Variants in FAT3 observed in about 807,000 individuals in gnomAD.
The protein encoded by FAT3 is FAT atypical cadherin 3.
In FAT3, 95 loss-of-function variants were observed where a neutral mutation model predicts 310.2. The observed-to-expected ratio is 0.31, with a 90% CI of 0.26 to 0.36. The LOEUF is 0.36. FAT3 is among the 10% of genes least tolerant of loss of function. FAT3 has a pLI of 1.00. For missense variants in FAT3, 5,408 were observed against 5,715.6 expected (o/e 0.95, Z 1.74); for synonymous variants, 2,314 against 2,192.9 (o/e 1.06, Z -1.54).
At chr11:92,564,656 T>A (rs1382327404) in intron 3 of FAT3, among the ~76,000 whole-genome samples, 1 of 152,060 alleles carries the variant, frequency 6.6e-6, no homozygotes, top group South Asian at 2.1e-4. Flanking sequence ...CCTCAGTAAA[T>A]GTAAAAGAAC....
chr11:92,862,651 AT>A (rs1949148050), intron 21 of FAT3, among the ~76,000 whole-genome samples: 1 of 152,200 alleles, frequency 6.6e-6, no homozygotes, highest in South Asian at 2.1e-4. Context: ...TCCAATATAG[AT>A]CAAAAGAGTA....
intron 3 of FAT3, among the ~76,000 whole-genome samples, chr11:92,652,586 A>G (rs1942419881): frequency 6.6e-6 from 1 of 152,168 alleles, no homozygotes; most frequent in African/African-American, 2.4e-5. Flanking sequence ...TCTCCTACTC[A>G]TTCTCAGTTC....
At chr11:92,350,634 C>T (rs1397216470) in intron 1 of FAT3, among the ~76,000 whole-genome samples, 1 of 152,048 alleles carries the variant, frequency 6.6e-6, no homozygotes, top group Non-Finnish European at 1.5e-5. Context: ...TTACTACTTG[C>T]CGGCTGGGGA....
Position 92,353,200 on chromosome 11 carries a change from A to G in FAT3, c.1088A>G (p.Tyr363Cys). 1.2e-6 allele frequency: 2 copies of G among 1,613,828 alleles called. No homozygotes were observed. Among genetic ancestry groups the G allele is most frequent in the Non-Finnish European group, 1.7e-6 (2 of 1,179,872 alleles). ...PQKCSALKAV[Y>C]IGNPTRDTVP... is the part of the protein sequence containing the mutation. ...AAATGTTCAGCATTAAAGGCAGTCT[A>G]CATTGGCAACCCCACAAGAGACACT... Residue 363 changes from tyrosine (Y) to cysteine (C), a missense_variant, in exon 2 of 28, where the codon TAC becomes TGC. Coordinates refer to ENST00000525166, the MANE Select transcript of FAT3 (RefSeq NM_001367949.2).
At chr11:92,316,453 A>G (rs891475915) in intron 1 of FAT3, among the ~76,000 whole-genome samples, 2 of 152,166 alleles carry the variant, frequency 1.3e-5, no homozygotes, top group African/African-American at 4.8e-5. Context: ...TGTATTGACA[A>G]TGGTTCTCCT....
intron 3 of FAT3, among the ~76,000 whole-genome samples, chr11:92,631,697 C>T (rs1941565740): frequency 6.6e-6 from 1 of 152,062 alleles, no homozygotes; most frequent in African/African-American, 2.4e-5. Flanking sequence ...TTCTTTATAG[C>T]AATGCCAAAA....
chr11:92,660,081 A>G (rs917536154), intron 3 of FAT3, among the ~76,000 whole-genome samples: 3 of 152,030 alleles, frequency 2.0e-5, no homozygotes, highest in Admixed American at 2.0e-4. Context: ...AATGATACAC[A>G]CCACTTAGTA....
chr11:92,670,563 T>C (rs909751818), intron 3 of FAT3, among the ~76,000 whole-genome samples: 1 of 152,208 alleles, frequency 6.6e-6, no homozygotes, highest in Admixed American at 6.5e-5. Flanking sequence ...TGTTGACATA[T>C]CAGGTATCCT....
chr11:92,802,663 A>T lies in FAT3; in HGVS notation c.8896+754A>T, dbSNP rs139641325. On this transcript the variant is annotated intron_variant, in intron 10 of 27. Transcript: ENST00000525166. Reference sequence around the variant, plus strand: ...CAGTGTGGGAAGGTTCTTCCTAAAAACTATTTGGGGGGTGGGTTAAAGCTA... The same window carrying T: ...CAGTGTGGGAAGGTTCTTCCTAAAATCTATTTGGGGGGTGGGTTAAAGCTA... 1.3e-4 allele frequency among the ~76,000 whole-genome samples: 20 copies of T among 152,070 alleles called. No homozygotes were observed. The East Asian group carries it at 3.9e-3, about 29-fold the overall frequency.
At chr11:92,651,391 A>T (rs1409099873) in intron 3 of FAT3, among the ~76,000 whole-genome samples, 1 of 152,122 alleles carries the variant, frequency 6.6e-6, no homozygotes, top group Non-Finnish European at 1.5e-5. Context: ...TGGTCAATGC[A>T]CTCAGCTTCA....
chr11:92,659,457 T>C (rs548445437), intron 3 of FAT3, among the ~76,000 whole-genome samples: 1 of 152,368 alleles, frequency 6.6e-6, no homozygotes, highest in Admixed American at 6.5e-5. Flanking sequence ...TATCAGTTCA[T>C]GGACCTAAAC....
At chr11:92,849,139 A>G (rs1054346486) in intron 19 of FAT3, among the ~76,000 whole-genome samples, 1 of 152,222 alleles carries the variant, frequency 6.6e-6, no homozygotes, top group Non-Finnish European at 1.5e-5. Context: ...GGAAAGGTCA[A>G]TTGACTCACT....
chr11:92,699,928 C>T (rs12272854), intron 4 of FAT3, among the ~76,000 whole-genome samples: 4,169 of 152,242 alleles, frequency 0.027, 213 homozygotes, highest in African/African-American at 0.095. Context: ...CACCTCCCCA[C>T]TCCAGGAAAG....
chr11:92,628,457 A>G (rs1941417407), intron 3 of FAT3, among the ~76,000 whole-genome samples: 1 of 149,228 alleles, frequency 6.7e-6, no homozygotes, highest in African/African-American at 2.5e-5. Context: ...CAGCTATGAT[A>G]ATATGTGATG....
At chr11:92,546,923 G>T (rs767741755) in intron 3 of FAT3, among the ~76,000 whole-genome samples, 1 of 152,124 alleles carries the variant, frequency 6.6e-6, no homozygotes, top group African/African-American at 2.4e-5. Flanking sequence ...CACCCCAAAT[G>T]ACACCTCCTT....
chr11:92,346,067 C>T (rs1014260509), intron 1 of FAT3, among the ~76,000 whole-genome samples: 1 of 152,140 alleles, frequency 6.6e-6, no homozygotes, highest in Non-Finnish European at 1.5e-5. Context: ...CCACATCAAA[C>T]CCTTTTTCTT....
intron 3 of FAT3, among the ~76,000 whole-genome samples, chr11:92,567,001 C>T (rs1269642158): frequency 6.6e-6 from 1 of 152,024 alleles, no homozygotes; most frequent in African/African-American, 2.4e-5. Flanking sequence ...TCTAAAACAC[C>T]AAAAGCAATG....
chr11:92,451,075 A>G (rs1298677577), intron 2 of FAT3, among the ~76,000 whole-genome samples: 2 of 152,236 alleles, frequency 1.3e-5, no homozygotes, highest in South Asian at 2.1e-4. Flanking sequence ...TGAACCTCCA[A>G]TAGATGAGCA....
chr11:92,281,896 T>G lies in FAT3; in HGVS notation c.-18+56722T>G, dbSNP rs1454682205. Among the ~76,000 whole-genome samples the G allele has an allele frequency of 3.3e-5, 5 of 152,148 alleles. No homozygotes were observed. In the East Asian group the frequency reaches 9.6e-4, roughly 29 times the overall value. On this transcript the variant is annotated intron_variant, in intron 1 of 27. Transcript: ENST00000525166. ...ATCTCCATCCCCACCATCTGACTTG[T>G]GCAAACATTATCCCTTCTTTTTTTT...
Sources: allele counts gnomAD v4.1 joint callset (sites outside exome capture counted in the v4.1 genomes callset), GRCh38; gene constraint gnomAD v4.1.1; transcripts MANE v1.5; gene names NCBI Gene and HGNC (gene_info 2026-07-23, HGNC 2026-07-21).